Variants in JADE3 observed in about 807,000 individuals in gnomAD.
JADE3 encodes the protein protein Jade-3.
A neutral mutation model predicts 50.1 loss-of-function variants in JADE3; 2 were observed. The ratio of observed to expected loss-of-function variants is 0.04; its 90% CI spans 0.02 to 0.13. The LOEUF is 0.13. Ranked by LOEUF, JADE3 falls within the 10% of genes least tolerant of loss-of-function variation. The pLI is 1.00. For synonymous variants in JADE3, 218 were observed against 232.9 expected (o/e 0.94, Z 0.58); for missense variants, 475 against 634.4 (o/e 0.75, Z 2.70).
At chrX:47,040,837 A>G (rs1438379161) in intron 8 of JADE3, among the ~76,000 whole-genome samples, 2 of 111,255 alleles carry the variant, frequency 1.8e-5, no homozygotes, top group East Asian at 2.8e-4. Flanking sequence ...GGGATTAGCT[A>G]TTCTTCCAAG....
Position 47,023,364 on chromosome X carries a change from GT to G in JADE3, c.285-1356del, listed in dbSNP as rs1399565864. ...CCCACTTATAAGTGAGAACATGCAG[GT>G]TTTGGTTTTCTGTTCCTGCGTTAGT... is the stretch of plus-strand genomic sequence containing the variant. On this transcript the variant is annotated intron_variant, in intron 4 of 10. Transcript: ENST00000614628. 2.7e-5 allele frequency among the ~76,000 whole-genome samples: 3 copies of G among 111,184 alleles called. No homozygotes were observed. In the East Asian group the frequency reaches 8.5e-4, roughly 31 times the overall value.
chrX:46,938,696 C>A (rs1033116993), intron 1 of JADE3, among the ~76,000 whole-genome samples: 14 of 112,481 alleles, frequency 1.2e-4, no homozygotes, highest in African/African-American at 4.5e-4. Flanking sequence ...CATCCTCTAG[C>A]AGTTCGTTTA....
At chrX:46,934,309 T>G (rs1273663279) in intron 1 of JADE3, among the ~76,000 whole-genome samples, 1 of 102,817 alleles carries the variant, frequency 9.7e-6, no homozygotes, top group Admixed American at 1.0e-4. Flanking sequence ...CAAATTTTTT[T>G]TTTTTTTGAG....
At chrX:46,946,003 T>C (rs1369994092) in intron 1 of JADE3, among the ~76,000 whole-genome samples, 1 of 111,894 alleles carries the variant, frequency 8.9e-6, no homozygotes, top group Admixed American at 9.5e-5. Context: ...ATATTCCTTA[T>C]AGTGCATACA....
chrX:47,030,818 G>A (rs782234353), intron 6 of JADE3, among the ~76,000 whole-genome samples: 8 of 111,435 alleles, frequency 7.2e-5, no homozygotes, highest in Non-Finnish European at 1.3e-4. Flanking sequence ...TTGGGAGGCC[G>A]AGGCGGGTGG....
intron 2 of JADE3, 59 bp from the exon 3 acceptor site, chrX:46,985,654 C>A: frequency 1.3e-6 from 1 of 746,137 alleles, no homozygotes; most frequent in Non-Finnish European, 2.1e-6. Context: ...AGTTTTATGA[C>A]ATTTAGTTAT....
At chrX:47,000,496 C>G (rs781945499) in intron 4 of JADE3, among the ~76,000 whole-genome samples, 1 of 111,240 alleles carries the variant, frequency 9.0e-6, no homozygotes, top group African/African-American at 3.3e-5. Context: ...GATAAGTGAG[C>G]CATGGGTAAG....
intron 1 of JADE3, among the ~76,000 whole-genome samples, chrX:46,944,182 G>A (rs1187135147): frequency 1.8e-5 from 2 of 108,920 alleles, no homozygotes; most frequent in Admixed American, 9.8e-5. Flanking sequence ...GTGGATTTCC[G>A]GGTCTCAGTT....
intron 1 of JADE3, among the ~76,000 whole-genome samples, chrX:46,923,298 A>T (rs1926266351): frequency 9.5e-6 from 1 of 105,565 alleles, no homozygotes; most frequent in South Asian, 4.5e-4. Flanking sequence ...TACAAGTGTG[A>T]GCCACTGCGC....
chrX:47,031,907 A>G (rs1018798423), intron 6 of JADE3, among the ~76,000 whole-genome samples: 15 of 111,231 alleles, frequency 1.3e-4, no homozygotes, highest in African/African-American at 2.9e-4. Flanking sequence ...GATGCTGACT[A>G]TGTACTTGGT....
rs1375935428 is a variant in JADE3, at chrX:46,971,367, C to T, written c.-11-13517C>T. On this transcript the variant is annotated intron_variant, in intron 1 of 10. Transcript: ENST00000614628. ...CTGACCTCAAGTGATCCGCCTGCCT[C>T]GGCCTCCCAACGTGCTGGGATTACA... Among the ~76,000 whole-genome samples the T allele has an allele frequency of 2.8e-5, 3 of 108,691 alleles. No homozygotes were observed. In the East Asian group the frequency reaches 8.8e-4, roughly 32 times the overall value. The allele number at this position is 108,691 out of a possible 115,157, so 94.4% of individuals were successfully genotyped here.
chrX:47,005,005 C>A lies in JADE3; in HGVS notation c.284+6728C>A, dbSNP rs1443793942. Among the ~76,000 whole-genome samples the A allele has an allele frequency of 2.7e-5, 3 of 111,522 alleles. No individual in the cohort carries two copies. The Admixed American group carries it at 2.9e-4, about 11-fold the overall frequency. On this transcript the variant is annotated intron_variant, in intron 4 of 10. Transcript: ENST00000614628. ...CCCTGAGCATTTTATATAATGCAAA[C>A]ATAAGACTTTGAAAGATCAGGAGAA... is the stretch of plus-strand genomic sequence containing the variant.
At chrX:46,982,164 T>C (rs1556353169) in intron 1 of JADE3, among the ~76,000 whole-genome samples, 1 of 111,627 alleles carries the variant, frequency 9.0e-6, no homozygotes, top group African/African-American at 3.3e-5. Context: ...TCTTCTTTTT[T>C]CCATCTGTTC....
At chrX:46,973,457 G>A (rs556015996) in intron 1 of JADE3, among the ~76,000 whole-genome samples, 2 of 112,469 alleles carry the variant, frequency 1.8e-5, no homozygotes, top group East Asian at 5.5e-4. Flanking sequence ...TCAAAGATTT[G>A]TTAGGGGTGA....
At chrX:46,987,504 G>T (rs1927888273) in intron 3 of JADE3, among the ~76,000 whole-genome samples, 1 of 112,234 alleles carries the variant, frequency 8.9e-6, no homozygotes, top group Admixed American at 9.5e-5. Flanking sequence ...TTTTGGGTGT[G>T]TCCACCAGAG....
At position 46,944,392 on chromosome X, in the gene JADE3, G is replaced by A. The variant is rs187207288; in HGVS notation, c.-12+31673G>A. Among the ~76,000 whole-genome samples the A allele has an allele frequency of 1.6e-4, 17 of 106,936 alleles. No homozygotes were observed. In the East Asian group the frequency reaches 3.2e-3, roughly 20 times the overall value. 92.9% of individuals were successfully genotyped at this position (106,936 alleles called of 115,157 possible). ...GTGATCTTGGCTCACTGCAACCTCC[G>A]CCTCCTGGGTTCAAGCGATTCTCCT... On this transcript the variant is annotated intron_variant, in intron 1 of 10. Coordinates refer to ENST00000614628, the MANE Select transcript of JADE3 (RefSeq NM_014735.5).
At chrX:46,938,859 G>A (rs782266973) in intron 1 of JADE3, among the ~76,000 whole-genome samples, 1 of 111,979 alleles carries the variant, frequency 8.9e-6, no homozygotes, top group East Asian at 2.8e-4. Context: ...ACGGAGTCTC[G>A]CTCTGTTGCC....
chrX:46,922,888 C>A (rs782033501), intron 1 of JADE3, among the ~76,000 whole-genome samples: 5 of 111,682 alleles, frequency 4.5e-5, no homozygotes, highest in African/African-American at 1.6e-4. Flanking sequence ...TGTTACGCCT[C>A]CTAAATATGC....
At chrX:46,959,753 C>A (rs191147317) in intron 1 of JADE3, among the ~76,000 whole-genome samples, 43 of 109,883 alleles carry the variant, frequency 3.9e-4, no homozygotes, top group African/African-American at 1.4e-3. Flanking sequence ...GGAACATACT[C>A]CAGGCACTGA....
Sources: gnomAD v4.1 joint callset for allele counts (sites outside exome capture counted in the v4.1 genomes callset) on GRCh38, gnomAD v4.1.1 for gene constraint, MANE v1.5 for transcripts, NCBI Gene and HGNC (gene_info 2026-07-23, HGNC 2026-07-21) for gene names.